Variants in DROSHA observed in about 807,000 individuals in gnomAD.
DROSHA encodes ribonuclease 3.
DROSHA carries 56 observed loss-of-function variants against 181.9 expected under a neutral mutation model. The observed-to-expected ratio is 0.31, with a 90% CI of 0.25 to 0.38. The LOEUF is 0.38. Ranked by LOEUF, DROSHA falls within the 10% of genes least tolerant of loss-of-function variation. The pLI is 1.00. For missense variants in DROSHA, 1,218 were observed against 1,743.5 expected (o/e 0.70, Z 5.37); for synonymous variants, 524 against 591.2 (o/e 0.89, Z 1.65).
chr5:31,489,331 A>G (rs1752126093), intron 13 of DROSHA, among the ~76,000 whole-genome samples: 1 of 152,186 alleles, frequency 6.6e-6, no homozygotes, highest in Non-Finnish European at 1.5e-5. Flanking sequence ...TCTCCATTTC[A>G]TTTTAAGTAA....
At chr5:31,510,490 G>C (rs993700627) in intron 9 of DROSHA, among the ~76,000 whole-genome samples, 1 of 152,154 alleles carries the variant, frequency 6.6e-6, no homozygotes, top group Non-Finnish European at 1.5e-5. Context: ...TTCTGTTAGG[G>C]GCTAAGGATA....
At chr5:31,467,858 C>T in intron 18 of DROSHA, 81 bp downstream of exon 18, 1 of 1,512,050 alleles carries the variant, frequency 6.6e-7, no homozygotes, top group Non-Finnish European at 8.9e-7. Context: ...AAGGAAACAT[C>T]CACTAAAGGG....
intron 14 of DROSHA, 122 bp from the exon 15 acceptor site, chr5:31,485,084 G>T: frequency 1.6e-6 from 1 of 636,386 alleles, no homozygotes; most frequent in South Asian, 2.4e-5. Flanking sequence ...AGACCATATA[G>T]TTTCCTGAAG....
intron 6 of DROSHA, among the ~76,000 whole-genome samples, chr5:31,517,479 A>G (rs1739390519): frequency 1.3e-5 from 2 of 152,078 alleles, no homozygotes. Context: ...TCTAATCTCA[A>G]TTTTTCCTCC....
chr5:31,433,376 G>C (rs986368016), intron 25 of DROSHA, among the ~76,000 whole-genome samples: 2 of 152,142 alleles, frequency 1.3e-5, no homozygotes, highest in Non-Finnish European at 2.9e-5. Context: ...CAACTTCACT[G>C]GGAAAATTTA....
intron 30 of DROSHA, among the ~76,000 whole-genome samples, chr5:31,412,465 T>C (rs1198838908): frequency 1.3e-5 from 2 of 152,224 alleles, no homozygotes; most frequent in African/African-American, 2.4e-5. Flanking sequence ...TGTGGCTCCA[T>C]GGTGTCAACA....
At chr5:31,484,350 C>T (rs1480882814) in intron 15 of DROSHA, among the ~76,000 whole-genome samples, 2 of 115,968 alleles carry the variant, frequency 1.7e-5, no homozygotes, top group African/African-American at 4.1e-5. Context: ...GTCCGCAGTC[C>T]GGCCTGGGCG....
At chr5:31,515,612 G>C in intron 6 of DROSHA, 48 bp from the exon 7 acceptor site, 1 of 1,547,402 alleles carries the variant, frequency 6.5e-7, no homozygotes, top group Non-Finnish European at 8.7e-7. Flanking sequence ...TCCACATATG[G>C]ACAATTTCAG....
At chr5:31,413,693 G>A (rs563260746) in intron 30 of DROSHA, among the ~76,000 whole-genome samples, 7 of 152,238 alleles carry the variant, frequency 4.6e-5, no homozygotes, top group Non-Finnish European at 8.8e-5. Context: ...GCAATGCACT[G>A]TGGTGGCTGC....
intron 12 of DROSHA, among the ~76,000 whole-genome samples, chr5:31,493,545 T>C (rs1752629920): frequency 6.6e-6 from 1 of 152,208 alleles, no homozygotes; most frequent in Admixed American, 6.5e-5. Flanking sequence ...TATATTAAGC[T>C]TCATTTTCTG....
rs746357772 is a variant in DROSHA, at chr5:31,483,547, G to A, written c.2071+7C>T. ...TCACCAGGTCACTGACAAGCCAGAA[G>A]ATTTACCTGGAAGAAATCTTACAAA... On this transcript the variant is annotated splice_region_variant and intron_variant, in intron 16 of 35. Coordinates refer to ENST00000344624, the MANE Select transcript of DROSHA (RefSeq NM_001382508.1). 24 of 1,611,546 alleles carry A rather than the reference G, an allele frequency of 1.5e-5. No individual in the cohort carries two copies. The African/African-American group carries it at 2.8e-4, about 19-fold the overall frequency.
chr5:31,421,917 C>CGTGTGAGTGTGTGTGTGTGTGTGTGTGT (rs1742760109), intron 29 of DROSHA: 1 of 75,188 alleles, frequency 1.3e-5, no homozygotes, highest in Non-Finnish European at 2.4e-5. Context: ...AAAAATTAGC[C>CGTGTGAGTGTGTGTGTGTGTGTGTGTGT]GTGTGTGTGT....
At chr5:31,508,146 G>GTT (rs1156794719) in intron 10 of DROSHA, among the ~76,000 whole-genome samples, 3 of 152,024 alleles carry the variant, frequency 2.0e-5, no homozygotes, top group African/African-American at 7.3e-5. Context: ...TATTAAGACA[G>GTT]TAATTAAAAA....
Position 31,457,345 on chromosome 5 carries a change from G to A in DROSHA, c.2575-5705C>T, listed in dbSNP as rs1281689765. ...TCACCATGTTGGCCAGGCTGGTCTC[G>A]AACTACTGACCTCAGGTGATCTGCC... On this transcript the variant is annotated intron_variant, in intron 20 of 35. Transcript: ENST00000344624. 2.6e-5 allele frequency among the ~76,000 whole-genome samples: 4 copies of A among 151,910 alleles called. No individual in the cohort carries two copies. In the East Asian group the frequency reaches 7.8e-4, roughly 30 times the overall value.
intron 13 of DROSHA, among the ~76,000 whole-genome samples, chr5:31,487,954 C>T (rs1323215349): frequency 2.6e-5 from 4 of 152,060 alleles, no homozygotes; most frequent in East Asian, 1.9e-4. Flanking sequence ...AAATAAGCTA[C>T]GGGTCCTATC....
chr5:31,529,559 T>A (rs1740984805), intron 3 of DROSHA, among the ~76,000 whole-genome samples: 1 of 151,686 alleles, frequency 6.6e-6, no homozygotes, highest in African/African-American at 2.4e-5. Flanking sequence ...CACAGTGAAA[T>A]CCTGTCTCTA....
intron 1 of DROSHA, among the ~76,000 whole-genome samples, chr5:31,531,748 CG>C (rs1389330775): frequency 6.6e-6 from 1 of 152,154 alleles, no homozygotes; most frequent in Non-Finnish European, 1.5e-5. Flanking sequence ...GAGAGCCGGG[CG>C]GCCCCAGGCC....
At chr5:31,466,071 TA>T (rs1561205434) in intron 19 of DROSHA, 110 bp downstream of exon 19, 2 of 1,130,984 alleles carry the variant, frequency 1.8e-6, no homozygotes, top group Non-Finnish European at 2.5e-6. Flanking sequence ...ATGATTTTTT[TA>T]AAAAAATATT....
intron 14 of DROSHA, among the ~76,000 whole-genome samples, chr5:31,485,403 C>T (rs1198629950): frequency 7.4e-6 from 1 of 134,392 alleles, no homozygotes; most frequent in Non-Finnish European, 1.5e-5. Context: ...CCAAAAAGTT[C>T]AAAAAGTAAT....
Sources: allele counts gnomAD v4.1 joint callset (sites outside exome capture counted in the v4.1 genomes callset), GRCh38; gene constraint gnomAD v4.1.1; transcripts MANE v1.5; gene names NCBI Gene and HGNC (gene_info 2026-07-23, HGNC 2026-07-21).